Variants in GTF3C1 observed in about 807,000 individuals in gnomAD.
GTF3C1 encodes the protein general transcription factor 3C polypeptide 1.
GTF3C1 carries 57 observed loss-of-function variants against 226.7 expected under a neutral mutation model. The observed-to-expected ratio is 0.25, with a 90% confidence interval of 0.20 to 0.31. The LOEUF (loss-of-function observed/expected upper bound fraction) is 0.31. Ranked by LOEUF, GTF3C1 falls within the 10% of genes least tolerant of loss-of-function variation. GTF3C1 has a pLI of 1.00. For missense variants in GTF3C1, 2,217 were observed against 2,776.1 expected (o/e 0.80, Z 4.53); for synonymous variants, 1,090 against 1,084.8 (o/e 1.00, Z -0.09).
At chr16:27,486,232 C>G in intron 23 of GTF3C1, 78 bp from the exon 24 acceptor site, 3 of 762,910 alleles carry the variant, frequency 3.9e-6, no homozygotes, top group Non-Finnish European at 6.6e-6. Context: ...GGGCAGGTTC[C>G]CTACCCAGCC....
chr16:27,463,842 G>A lies in GTF3C1; in HGVS notation c.5873-250C>T, dbSNP rs2087741130. The A allele has an allele frequency of 1.9e-6, 1 of 530,820 alleles. No homozygotes were observed. The highest frequency in any genetic ancestry group is 2.0e-5 in the African/African-American group (1 of 50,976). 32.9% of individuals were successfully genotyped at this position (530,820 alleles called of 1,614,324 possible). ...CCGGACAAGCCCCACATTGCAGGAA[G>A]CCAGCGAACACCTCATTTTCCACCC... On this transcript the variant is annotated intron_variant, in intron 34 of 36. Transcript: ENST00000356183. The surrounding 1 kb of genome is among the most constrained non-coding windows in gnomAD (Gnocchi z 4.9).
In GTF3C1 at chr16:27,497,320, T is replaced by C. The variant is rs111408863; in HGVS notation, c.2350+317A>G. On this transcript the variant is annotated intron_variant, in intron 14 of 36. Transcript: ENST00000356183. ...GGGACAGGAAGAAATTTTCTGTAGT[T>C]TGTAGAATGTTCCAGCTCAAGGACA... 3.2e-4 allele frequency among the ~76,000 whole-genome samples: 48 copies of C among 152,342 alleles called. 1 individual carries two copies. Among genetic ancestry groups the C allele is most frequent in the African/African-American group, 8.7e-4 (36 of 41,586 alleles).
At chr16:27,522,172 G>A (rs2088760170) in intron 6 of GTF3C1, among the ~76,000 whole-genome samples, 1 of 152,138 alleles carries the variant, frequency 6.6e-6, no homozygotes, top group African/African-American at 2.4e-5. Context: ...CAAGTCAATG[G>A]TTTCTTACTA....
At chr16:27,546,324 T>C (rs541976573) in intron 1 of GTF3C1, among the ~76,000 whole-genome samples, 1 of 152,022 alleles carries the variant, frequency 6.6e-6, no homozygotes, top group Non-Finnish European at 1.5e-5. Context: ...ATTAAATGCC[T>C]CCCATTCCAA....
chr16:27,467,566 T>C (rs557254536), intron 32 of GTF3C1, among the ~76,000 whole-genome samples: 1 of 152,346 alleles, frequency 6.6e-6, no homozygotes, highest in East Asian at 1.9e-4. Flanking sequence ...TCAAGTCTTA[T>C]TATTTAAGAA....
At position 27,461,446 on chromosome 16, in the gene GTF3C1, G is replaced by A. The variant is rs550768686; in HGVS notation, c.6234C>T (p.Ser2078=). The A allele has an allele frequency of 2.5e-6, 4 of 1,613,796 alleles. No homozygotes were observed. Among genetic ancestry groups the A allele is most frequent in the Admixed American group, 1.7e-5 (1 of 60,030 alleles). ...AGGTGGGCTCATAGAAAGCCATGGG[G>A]CTCTCGTCCAGGCTGGAGGGCACTT... ...EVEVPSSLDE[S]PMAFYEPTLD... Residue 2078 remains serine, a synonymous_variant, in exon 37 of 37, where the codon AGC becomes AGT. Transcript: ENST00000356183. The surrounding 1 kb of genome is among the most constrained non-coding windows in gnomAD (Gnocchi z 5.3).
At chr16:27,509,041 G>A (rs1047585999) in intron 7 of GTF3C1, among the ~76,000 whole-genome samples, 2 of 152,194 alleles carry the variant, frequency 1.3e-5, no homozygotes, top group African/African-American at 2.4e-5. Flanking sequence ...TCTTTAAGAA[G>A]CATCAAAATA....
chr16:27,516,034 G>A (rs562699537), intron 6 of GTF3C1, among the ~76,000 whole-genome samples: 1 of 152,344 alleles, frequency 6.6e-6, no homozygotes, highest in African/African-American at 2.4e-5. Flanking sequence ...AGCCTGCAGT[G>A]GATGCACTTG....
At chr16:27,526,820 A>C (rs936637358) in intron 6 of GTF3C1, among the ~76,000 whole-genome samples, 1 of 152,254 alleles carries the variant, frequency 6.6e-6, no homozygotes, top group Non-Finnish European at 1.5e-5. Flanking sequence ...ATATATTCCA[A>C]CTATCACCTT....
Position 27,504,473 on chromosome 16 carries a change from C to T in GTF3C1, c.1770+1426G>A, listed in dbSNP as rs1051768928. 4.6e-5 allele frequency among the ~76,000 whole-genome samples: 7 copies of T among 152,342 alleles called. No homozygotes were observed. The East Asian group carries it at 5.8e-4, about 13-fold the overall frequency. Reference sequence around the variant, plus strand: ...AGAGTCTAGAAAAAAATCAACGCCACGCCCCATCACCTCTGCCATAGGAAC... The same window carrying T: ...AGAGTCTAGAAAAAAATCAACGCCATGCCCCATCACCTCTGCCATAGGAAC... On this transcript the variant is annotated intron_variant, in intron 10 of 36. Transcript: ENST00000356183.
chr16:27,495,600 T>C (rs117511196), intron 14 of GTF3C1, 108 bp from the exon 15 acceptor site: 2 of 971,754 alleles, frequency 2.1e-6, no homozygotes, highest in Non-Finnish European at 3.1e-6. Flanking sequence ...GCCAGAAAGA[T>C]GGCAAATATT....
Position 27,462,525 on chromosome 16 carries a change from C to A in GTF3C1, c.5925-39G>T, listed in dbSNP as rs780429462. On this transcript the variant is annotated intron_variant, in intron 35 of 36. Coordinates refer to ENST00000356183, the MANE Select transcript of GTF3C1 (RefSeq NM_001520.4). The surrounding 1 kb of genome is among the most constrained non-coding windows in gnomAD (Gnocchi z 4.5). Reference sequence around the variant, plus strand: ...GCTTGACATCAGGGCTTGGTGGGGGCAGGAGGGCAGCTCGTCCAGACAGAA... The same window carrying A: ...GCTTGACATCAGGGCTTGGTGGGGGAAGGAGGGCAGCTCGTCCAGACAGAA... 9.2e-6 allele frequency: 14 copies of A among 1,519,704 alleles called. No homozygotes were observed. In the African/African-American group the frequency reaches 1.8e-4, roughly 19 times the overall value. The allele number at this position is 1,519,704 out of a possible 1,614,324, so 94.1% of individuals were successfully genotyped here.
intron 12 of GTF3C1, among the ~76,000 whole-genome samples, chr16:27,499,800 A>G (rs2088377923): frequency 6.6e-6 from 1 of 152,234 alleles, no homozygotes; most frequent in African/African-American, 2.4e-5. Context: ...AAGGCAAAAG[A>G]CTGACACAGA....
rs2283559 is a variant in GTF3C1, at chr16:27,496,241, C to T, written c.2351-749G>A. Among the ~76,000 whole-genome samples the T allele has an allele frequency of 0.016, 2,479 of 152,268 alleles. 139 individuals are homozygous for T. The East Asian group carries it at 0.17, about 10-fold the overall frequency. ...AAATGCTGGCACCATGCTTCCTATA[C>T]AGCCTGTAGAACTGTCAGCCAATTA... On this transcript the variant is annotated intron_variant, in intron 14 of 36. Transcript: ENST00000356183.
At chr16:27,511,933 G>A in intron 6 of GTF3C1, 32 bp from the exon 7 acceptor site, 1 of 1,612,186 alleles carries the variant, frequency 6.2e-7, no homozygotes, top group Non-Finnish European at 8.5e-7. Context: ...TGCCAGCAAT[G>A]AGTGAAAGCA....
chr16:27,542,386 C>A (rs1388393493), intron 2 of GTF3C1, among the ~76,000 whole-genome samples: 1 of 152,058 alleles, frequency 6.6e-6, no homozygotes, highest in Non-Finnish European at 1.5e-5. Flanking sequence ...CGCAGTGAAA[C>A]CCCATCTCTA....
chr16:27,465,337 C>T lies in GTF3C1; in HGVS notation c.5278G>A (p.Glu1760Lys). 6.2e-7 allele frequency: 1 copy of T among 1,614,204 alleles called. No homozygotes were observed. Among genetic ancestry groups the T allele is most frequent in the South Asian group, 1.1e-5 (1 of 91,082 alleles). The change falls in exon 33 of 37, where the codon GAG becomes AAG. Residue 1760 changes from glutamate (E) to lysine (K), a missense_variant. Coordinates refer to ENST00000356183, the MANE Select transcript of GTF3C1 (RefSeq NM_001520.4). ...GCCGAGAACCGTCTGCGCAGCTCCT[C>T]CTTGTCAATCCCAAAACAACCCGTG... ...IATGCFGIDKEELRRRFSALE... is the reference protein window; with the variant it reads ...IATGCFGIDKKELRRRFSALE...
intron 12 of GTF3C1, among the ~76,000 whole-genome samples, chr16:27,499,073 C>T (rs745453400): frequency 1.3e-5 from 2 of 152,320 alleles, no homozygotes; most frequent in East Asian, 1.9e-4. Context: ...AGGGCTGCTC[C>T]GTGCCCCCTT....
intron 11 of GTF3C1, among the ~76,000 whole-genome samples, chr16:27,502,147 G>A (rs961973554): frequency 1.4e-4 from 22 of 151,956 alleles, no homozygotes; most frequent in African/African-American, 4.6e-4. Flanking sequence ...GACATTAGGA[G>A]CACCTAGCTC....
Sources: gnomAD v4.1 joint callset for allele counts (sites outside exome capture counted in the v4.1 genomes callset) on GRCh38, gnomAD v4.1.1 for gene constraint, Gnocchi (gnomAD v3.1) non-coding constraint, MANE v1.5 for transcripts, NCBI Gene and HGNC (gene_info 2026-07-23, HGNC 2026-07-21) for gene names.